SLITRK6: variants seen among roughly 807,000 people sequenced by gnomAD.
SLITRK6 encodes SLIT and NTRK like family member 6, also known as SLIT and NTRK-like protein 6.
A neutral mutation model predicts 55.6 loss-of-function variants in SLITRK6; 35 were observed. That is an observed-to-expected ratio of 0.63 (90% CI 0.48 to 0.83). The LOEUF (loss-of-function observed/expected upper bound fraction) is 0.83, where lower values mean the gene tolerates loss of function less well. SLITRK6 is among the 40% of genes least tolerant of loss of function. The probability of loss-of-function intolerance (pLI) is 0.00; values close to 1 mark genes in which losing one functional copy is unlikely to be tolerated. For missense variants in SLITRK6, 977 were observed against 986.4 expected, an observed-to-expected ratio of 0.99 and a Z score of 0.13; for synonymous variants, 392 against 359.6, an observed-to-expected ratio of 1.09 and a Z score of -1.02.
chr13:85,794,055 A>AT lies in SLITRK6; in HGVS notation c.2453dup (p.Asn818LysfsTer2). ...AATTAGCTTTAAGTTCAAAATACTC[A>AT]TTTTTTGTCTGTTCCACTAATACCT... On this transcript the variant is annotated frameshift_variant, in exon 2 of 2. Coordinates refer to ENST00000647374, the MANE Select transcript of SLITRK6 (RefSeq NM_032229.3). LOFTEE classifies it high-confidence loss of function. 1.9e-6 allele frequency: 3 copies of AT among 1,612,224 alleles called. No homozygotes were observed. Among genetic ancestry groups the AT allele is most frequent in the Non-Finnish European group, 1.7e-6 (2 of 1,179,094 alleles).
In SLITRK6 at chr13:85,794,763, AAG is replaced by A; in HGVS notation, c.1744_1745del (p.Leu582TyrfsTer13). The A allele has an allele frequency of 2.5e-6, 4 of 1,613,196 alleles. No individual in the cohort carries two copies. The highest frequency in any genetic ancestry group is 3.4e-6 in the Non-Finnish European group (4 of 1,179,500). On this transcript the variant is annotated frameshift_variant, in exon 2 of 2. Coordinates refer to ENST00000647374, the MANE Select transcript of SLITRK6 (RefSeq NM_032229.3). LOFTEE classifies it high-confidence loss of function. ...NPSMPTQTSY[L>X]MVTTPATTTN... ...TTGTTGTTGCAGGAGTGGTGACCAT[AAG>A]GTAACTAGTCTGTGTTGGCATGGAT...
Position 85,794,563 on chromosome 13 carries a change from CT to C in SLITRK6, c.1945del (p.Arg649GlufsTer35). On this transcript the variant is annotated frameshift_variant, in exon 2 of 2. Transcript: ENST00000647374. LOFTEE classifies it high-confidence loss of function. ...CTGAAGATGCACAGGACTGTTGTCT[CT>C]CATTTGCTCATCTACTTGTTTCTTT... ...YKKKQVDEQMRDNSPVHLQYS... is the reference protein window; with the variant it reads ...YKKKQVDEQMXDNSPVHLQYS... 1 of 1,613,162 alleles carries C rather than the reference CT, an allele frequency of 6.2e-7. No individual in the cohort carries two copies. The highest frequency in any genetic ancestry group is 8.5e-7 in the Non-Finnish European group (1 of 1,179,538).
In SLITRK6 at chr13:85,796,085, G is replaced by A; in HGVS notation, c.424C>T (p.Gln142Ter). 4.3e-6 allele frequency: 7 copies of A among 1,612,714 alleles called. No homozygotes were observed. The highest frequency in any genetic ancestry group is 5.9e-6 in the Non-Finnish European group (7 of 1,179,362). Residue 142 changes from glutamine to a stop codon, truncating the protein, a stop_gained, in exon 2 of 2, where the codon CAA (glutamine) becomes TAA (stop). Coordinates refer to ENST00000647374, the MANE Select transcript of SLITRK6 (RefSeq NM_032229.3). LOFTEE classifies it high-confidence loss of function. Reference sequence around the variant, plus strand: ...ACTGTGATAAAATTGTTATCTGCTTGCAGGAATTCCAGGTTTTCCAGTCCA... The same window carrying A: ...ACTGTGATAAAATTGTTATCTGCTTACAGGAATTCCAGGTTTTCCAGTCCA... ...FHGLENLEFL[Q>*]ADNNFITVIE... is the part of the protein sequence containing the mutation.
At position 85,795,443 on chromosome 13, in the gene SLITRK6, A is replaced by G. The variant is rs373397052; in HGVS notation, c.1066T>C (p.Ser356Pro). The G allele has an allele frequency of 1.4e-5, 22 of 1,613,044 alleles. 1 individual carries two copies. The highest frequency in any genetic ancestry group is 1.6e-5 in the Non-Finnish European group (19 of 1,179,440). ...TTTTGCGGAGGAGGTCTCAGATCTG[A>G]TAAGCTTTCAATGTTGCGCTCCTGA... ...HCQERNIESL[S>P]DLRPPPQNPR... The change falls in exon 2 of 2, where the codon TCA becomes CCA. Residue 356 changes from serine to proline, a missense_variant. Ser to Pro is a moderately conservative substitution (Grantham distance 74). Coordinates refer to ENST00000647374, the MANE Select transcript of SLITRK6 (RefSeq NM_032229.3).
chr13:85,798,569 AATT>A (rs1339668275), intron 1 of SLITRK6, among the ~76,000 whole-genome samples: 2 of 152,088 alleles, frequency 1.3e-5, no homozygotes, highest in African/African-American at 2.4e-5. Flanking sequence ...AAATGCAAAG[AATT>A]ATTCAATATT....
rs761625145 is a variant in SLITRK6 at position 85,795,507 on chromosome 13, G to A, written c.1002C>T (p.Asn334=). The change falls in exon 2 of 2, where the codon AAC becomes AAT. Residue 334 remains asparagine (N), a synonymous_variant. Transcript: ENST00000647374. ...GTCCTGATGGGGATAGGACTTTGCA[G>A]TTACAAGGAATAGGGCAGTAAGGTC... ...LPGPYCPIPC[N]CKVLSPSGLL... is the part of the protein sequence containing the mutation. 1.2e-6 allele frequency: 2 copies of A among 1,613,028 alleles called. No individual in the cohort carries two copies. The highest frequency in any genetic ancestry group is 8.5e-7 in the Non-Finnish European group (1 of 1,179,436).
Position 85,792,989 on chromosome 13 carries a change from C to A in SLITRK6, c.*994G>T, listed in dbSNP as rs1874590957. The A allele has an allele frequency of 1.3e-5, 2 of 152,030 alleles. No individual in the cohort carries two copies. The highest frequency in any genetic ancestry group is 4.8e-5 in the African/African-American group (2 of 41,328). 9.4% of individuals were successfully genotyped at this position (152,030 alleles called of 1,614,324 possible). On this transcript the variant is annotated 3_prime_UTR_variant, in exon 2 of 2. Transcript: ENST00000647374. ...CTTAAACCACTTACCTTTAGAAGTG[C>A]CTTTTGCTACTGATTTATGGCATCT...
intron 1 of SLITRK6, among the ~76,000 whole-genome samples, chr13:85,797,255 A>C (rs897848333): frequency 1.3e-5 from 2 of 151,320 alleles, no homozygotes; most frequent in African/African-American, 2.4e-5. Flanking sequence ...AACTCTTTTA[A>C]CTATTCAATC....
Position 85,796,234 on chromosome 13 carries a change from G to A in SLITRK6, c.275C>T (p.Ser92Leu), listed in dbSNP as rs762161848. 1.4e-5 allele frequency: 22 copies of A among 1,612,920 alleles called. No homozygotes were observed. In the East Asian group the frequency reaches 4.9e-4, roughly 36 times the overall value. ...NDFSGLTNAISIHLGFNNIAD... is the reference protein window; with the variant it reads ...NDFSGLTNAILIHLGFNNIAD... ...AATATTGTTAAATCCAAGGTGTATT[G>A]AAATAGCATTGGTAAGCCCAGAAAA... The change falls in exon 2 of 2, where the codon TCA (serine) becomes TTA (leucine). Residue 92 changes from serine (S) to leucine (L), a missense_variant. Ser to Leu is a moderately radical substitution (Grantham distance 145). Coordinates refer to ENST00000647374, the MANE Select transcript of SLITRK6 (RefSeq NM_032229.3).
intron 1 of SLITRK6, among the ~76,000 whole-genome samples, chr13:85,797,168 T>TATATATATATATAC (rs1208498830): frequency 1.3e-5 from 2 of 149,910 alleles, no homozygotes; most frequent in African/African-American, 4.9e-5. Flanking sequence ...TATATATATA[T>TATATATATATATAC]ACTAATTTTA....
Position 85,794,840 on chromosome 13 carries a change from A to G in SLITRK6, c.1669T>C (p.Leu557=), listed in dbSNP as rs761456551. ...TSPGHLDKKE[L]KALNSEILCP... ...AGAATTTCACTATTTAGGGCTTTCA[A>G]TTCCTTTTTGTCGAGATGCCCGGGG... The change falls in exon 2 of 2, where the codon TTG becomes CTG. Residue 557 remains leucine (L), a synonymous_variant. Transcript: ENST00000647374. 7 of 1,613,078 alleles carry G rather than the reference A, an allele frequency of 4.3e-6. No individual in the cohort carries two copies. Among genetic ancestry groups the G allele is most frequent in the Admixed American group, 3.3e-5 (2 of 59,780 alleles).
chr13:85,794,953 C>T lies in SLITRK6; in HGVS notation c.1556G>A (p.Trp519Ter), dbSNP rs1874660469. 2 of 1,612,992 alleles carry T rather than the reference C, an allele frequency of 1.2e-6. No individual in the cohort carries two copies. The highest frequency in any genetic ancestry group is 1.7e-6 in the Non-Finnish European group (2 of 1,179,504). The change falls in exon 2 of 2, where the codon TGG (tryptophan) becomes TAG (stop). Residue 519 changes from tryptophan (W) to a stop codon, truncating the protein, a stop_gained. Transcript: ENST00000647374. LOFTEE classifies it high-confidence loss of function. ...LTQIDLEDNP[W>*]DCSCDLVGLQ... ...TCCAACCAGGTCACAGGAGCAGTCC[C>T]AGGGGTTATCCTCAAGGTCAATCTG...
In SLITRK6 at chr13:85,796,060, A is replaced by C; in HGVS notation, c.449T>G (p.Val150Gly). The change falls in exon 2 of 2, where the codon GTG becomes GGG. Residue 150 changes from valine to glycine, a missense_variant. Val to Gly is a moderately radical substitution (Grantham distance 109, BLOSUM62 -3). Coordinates refer to ENST00000647374, the MANE Select transcript of SLITRK6 (RefSeq NM_032229.3). ...FLQADNNFIT[V>G]IEPSAFSKLN... Reference sequence around the variant, plus strand: ...CTTGCTAAAGGCACTTGGTTCAATCACTGTGATAAAATTGTTATCTGCTTG... The same window carrying C: ...CTTGCTAAAGGCACTTGGTTCAATCCCTGTGATAAAATTGTTATCTGCTTG... 1 of 1,613,054 alleles carries C rather than the reference A, an allele frequency of 6.2e-7. No individual in the cohort carries two copies. The highest frequency in any genetic ancestry group is 8.5e-7 in the Non-Finnish European group (1 of 1,179,458).
At chr13:85,797,736 G>A (rs1874767694) in intron 1 of SLITRK6, among the ~76,000 whole-genome samples, 1 of 151,836 alleles carries the variant, frequency 6.6e-6, no homozygotes, top group Non-Finnish European at 1.5e-5. Flanking sequence ...AAATGCATCT[G>A]AAACAGCAAT....
At position 85,793,784 on chromosome 13, in the gene SLITRK6, A is replaced by G. The variant is rs561199455; in HGVS notation, c.*199T>C. The G allele has an allele frequency of 7.9e-6, 4 of 506,288 alleles. No homozygotes were observed. The highest frequency in any genetic ancestry group is 7.9e-5 in the African/African-American group (4 of 50,762). The allele number at this position is 506,288 out of a possible 1,614,324, so 31.4% of individuals were successfully genotyped here. On this transcript the variant is annotated 3_prime_UTR_variant, in exon 2 of 2. Transcript: ENST00000647374. ...TGCAAGGATTTATTTTATTTGGGAC[A>G]GACTAAATTGCCTGAAGATAATGCC...
At position 85,794,057 on chromosome 13, in the gene SLITRK6, T is replaced by G. The variant is rs551054914; in HGVS notation, c.2452A>C (p.Asn818His). The G allele has an allele frequency of 4.0e-5, 65 of 1,612,516 alleles. No homozygotes were observed. The East Asian group carries it at 9.1e-4, about 23-fold the overall frequency. The change falls in exon 2 of 2, where the codon AAT (asparagine) becomes CAT (histidine). Residue 818 changes from asparagine to histidine, a missense_variant. Transcript: ENST00000647374. ...PRKVLVEQTK[N>H]EYFELKANLH... ...TTAGCTTTAAGTTCAAAATACTCAT[T>G]TTTTGTCTGTTCCACTAATACCTTC...
At position 85,798,985 on chromosome 13, in the gene SLITRK6, T is replaced by G. The variant is rs918871020; in HGVS notation, c.-96A>C. 4.0e-5 allele frequency: 6 copies of G among 151,670 alleles called. No homozygotes were observed. Among genetic ancestry groups the G allele is most frequent in the African/African-American group, 1.5e-4 (6 of 41,350 alleles). 9.4% of individuals were successfully genotyped at this position (151,670 alleles called of 1,614,324 possible). A position where few individuals can be genotyped will look rare whatever the true frequency, so the allele number is the denominator to read the frequency against. On this transcript the variant is annotated 5_prime_UTR_variant, in exon 1 of 2. Coordinates refer to ENST00000647374, the MANE Select transcript of SLITRK6 (RefSeq NM_032229.3). ...GAAGAGGTGTTCAAAGTAATTCAAT[T>G]CCTTTATTAAAAAAAAGAAAACACC...
rs1256539906 is a variant in SLITRK6 at position 85,795,344 on chromosome 13, A to C, written c.1165T>G (p.Leu389Val). 1.2e-6 allele frequency: 2 copies of C among 1,612,672 alleles called. No homozygotes were observed. The highest frequency in any genetic ancestry group is 2.7e-5 in the African/African-American group (2 of 74,832). Residue 389 changes from leucine to valine, a missense_variant, in exon 2 of 2, where the codon TTG becomes GTG. By Grantham distance (32) the Leu-to-Val change is conservative (BLOSUM62 1). Transcript: ENST00000647374. ...TTGTTTCCCAAGTGAAGCATTTCCAAAGTGAAATATTCCACTAGATCAGAC... is the reference window on the plus strand; with the variant it reads ...TTGTTTCCCAAGTGAAGCATTTCCACAGTGAAATATTCCACTAGATCAGAC... ...MKSDLVEYFT[L>V]EMLHLGNNRI...
rs199877482 is a variant in SLITRK6 at position 85,794,648 on chromosome 13, T to C, written c.1861A>G (p.Ile621Val). The C allele has an allele frequency of 2.5e-6, 4 of 1,613,168 alleles. No individual in the cohort carries two copies. Among genetic ancestry groups the C allele is most frequent in the Non-Finnish European group, 3.4e-6 (4 of 1,179,524 alleles). ...ACTATCCCTGCAGCACAGAAAACAATAGTGATGAACATAATCAGAAGTCCC... is the reference window on the plus strand; with the variant it reads ...ACTATCCCTGCAGCACAGAAAACAACAGTGATGAACATAATCAGAAGTCCC... ...ILGLLIMFIT[I>V]VFCAAGIVVL... The change falls in exon 2 of 2, where the codon ATT becomes GTT. Residue 621 changes from isoleucine (I) to valine (V), a missense_variant. By Grantham distance (29) the Ile-to-Val change is conservative. Coordinates refer to ENST00000647374, the MANE Select transcript of SLITRK6 (RefSeq NM_032229.3).
Sources: gnomAD v4.1 joint callset for allele counts (sites outside exome capture counted in the v4.1 genomes callset) on GRCh38, gnomAD v4.1.1 for gene constraint, MANE v1.5 for transcripts, NCBI Gene and HGNC (gene_info 2026-07-23, HGNC 2026-07-21) for gene names.